Variants in CAMK2D observed in about 807,000 individuals in gnomAD.
CAMK2D encodes the protein calcium/calmodulin dependent protein kinase II delta, also known as calcium/calmodulin-dependent protein kinase type II subunit delta.
Under a neutral mutation model 84.0 loss-of-function variants are expected in CAMK2D, and 37 were observed. That is an observed-to-expected ratio of 0.44 (90% confidence interval 0.34 to 0.58). The LOEUF (loss-of-function observed/expected upper bound fraction) is 0.58, where lower values mean the gene tolerates loss of function less well. Among genes scored for constraint, CAMK2D ranks in the 20% least tolerant of loss-of-function variants. CAMK2D has a pLI of 0.02. For synonymous variants in CAMK2D, 202 were observed against 212.5 expected (o/e 0.95, Z 0.43); for missense variants, 448 against 652.5 (o/e 0.69, Z 3.41).
At position 113,670,296 on chromosome 4, in the gene CAMK2D, T is replaced by C. The variant is rs570380611; in HGVS notation, c.161-8524A>G. On this transcript the variant is annotated intron_variant, in intron 2 of 20. Coordinates refer to ENST00000511664, the MANE Select transcript of CAMK2D (RefSeq NM_001321571.2). ...GACTCTGTCTCAAAAAATAAATAAA[T>C]AAACAAACAAATAAATAAATAAATA... 2.2e-4 allele frequency among the ~76,000 whole-genome samples: 30 copies of C among 137,216 alleles called. No homozygotes were observed. The South Asian group carries it at 4.9e-3, about 22-fold the overall frequency. 90.0% of individuals were successfully genotyped at this position (137,216 alleles called of 152,430 possible). A position where few individuals can be genotyped will look rare whatever the true frequency, so the allele number is the denominator to read the frequency against.
Sources: gnomAD v4.1 joint callset for allele counts (sites outside exome capture counted in the v4.1 genomes callset) on GRCh38, gnomAD v4.1.1 for gene constraint, MANE v1.5 for transcripts, NCBI Gene and HGNC (gene_info 2026-07-23, HGNC 2026-07-21) for gene names.